Variants in UBA6 observed in about 807,000 individuals in gnomAD.
UBA6 encodes ubiquitin like modifier activating enzyme 6.
UBA6 carries 87 observed loss-of-function variants against 148.3 expected under a neutral mutation model. That is an observed-to-expected ratio of 0.59 (90% confidence interval 0.49 to 0.70). UBA6 has a LOEUF of 0.70. UBA6 is among the 30% of genes least tolerant of loss of function. The pLI, the probability that UBA6 is intolerant of heterozygous loss-of-function variation, is 0.00. For missense variants in UBA6, 1,186 were observed against 1,241.2 expected (o/e 0.96, Z 0.67); for synonymous variants, 376 against 401.0 (o/e 0.94, Z 0.75).
chr4:67,665,555 G>T (rs1158080996), intron 9 of UBA6, among the ~76,000 whole-genome samples: 2 of 149,618 alleles, frequency 1.3e-5, no homozygotes, highest in East Asian at 3.9e-4. Context: ...AGTAATGAGG[G>T]CTACTCATTA....
intron 19 of UBA6, among the ~76,000 whole-genome samples, chr4:67,637,648 G>A (rs891340905): frequency 2.6e-5 from 4 of 151,884 alleles, no homozygotes; most frequent in Non-Finnish European, 4.4e-5. Flanking sequence ...GCCCCAACCC[G>A]GTGCTCTCTG....
At chr4:67,683,337 T>G (rs533488278) in intron 2 of UBA6, among the ~76,000 whole-genome samples, 4 of 152,188 alleles carry the variant, frequency 2.6e-5, no homozygotes, top group Non-Finnish European at 5.9e-5. Context: ...TTCTTTTGAA[T>G]GAAATTATTT....
chr4:67,663,004 T>C (rs1577820415), intron 12 of UBA6, 135 bp downstream of exon 12: 2 of 516,524 alleles, frequency 3.9e-6, no homozygotes, highest in Non-Finnish European at 6.6e-6. Flanking sequence ...CAGAAAGTCA[T>C]AATAAATGTT....
At chr4:67,677,832 A>G (rs909965861) in intron 5 of UBA6, 110 bp from the exon 6 acceptor site, 8 of 544,626 alleles carry the variant, frequency 1.5e-5, no homozygotes, top group South Asian at 2.8e-5. Context: ...CAAAATTTCA[A>G]TGGAAACTTA....
chr4:67,690,212 G>T (rs766865745), intron 2 of UBA6, among the ~76,000 whole-genome samples: 12 of 152,074 alleles, frequency 7.9e-5, no homozygotes, highest in Non-Finnish European at 1.6e-4. Flanking sequence ...GGAAAAGGTG[G>T]TTGGGGCCTT....
chr4:67,649,174 C>G lies in UBA6; in HGVS notation c.1142G>C (p.Trp381Ser), dbSNP rs749432731. 19 of 1,612,810 alleles carry G rather than the reference C, an allele frequency of 1.2e-5. No individual in the cohort carries two copies. Among genetic ancestry groups the G allele is most frequent in the Non-Finnish European group, 1.6e-5 (19 of 1,179,542 alleles). ...VNADIVHWLS[W>S]TAQGFLSPLA... ...TGGAGATAAAAAGCCTTGGGCAGTC[C>G]AAGAGAGCCAATGCACAATGTCAGC... is the stretch of plus-strand genomic sequence containing the variant. Residue 381 changes from tryptophan (W) to serine (S), a missense_variant, in exon 14 of 33, where the codon TGG becomes TCG. Coordinates refer to ENST00000322244, the MANE Select transcript of UBA6 (RefSeq NM_018227.6).
chr4:67,698,364 C>T (rs1469486451), intron 1 of UBA6, among the ~76,000 whole-genome samples: 2 of 152,150 alleles, frequency 1.3e-5, no homozygotes, highest in Non-Finnish European at 2.9e-5. Flanking sequence ...TTCCAAATAC[C>T]TAAAACAGTA....
intron 20 of UBA6, 70 bp downstream of exon 20, chr4:67,635,383 A>C: frequency 1.0e-6 from 1 of 961,998 alleles, no homozygotes; most frequent in Non-Finnish European, 1.6e-6. Flanking sequence ...AAGCTAAATC[A>C]AATTGTTGAT....
At chr4:67,667,788 A>C (rs1217746491) in intron 9 of UBA6, among the ~76,000 whole-genome samples, 1 of 152,180 alleles carries the variant, frequency 6.6e-6, no homozygotes, top group Non-Finnish European at 1.5e-5. Flanking sequence ...AAGAATGTCT[A>C]CTTTCCTCCT....
Position 67,613,964 on chromosome 4 carries a change from AT to A in UBA6, c.*5032del, listed in dbSNP as rs1009436755. The A allele has an allele frequency of 3.1e-4, 46 of 147,758 alleles. No individual in the cohort carries two copies. Among genetic ancestry groups the A allele is most frequent in the East Asian group, 3.9e-4 (2 of 5,098 alleles). The allele number at this position is 147,758 out of a possible 1,614,324, so 9.2% of individuals were successfully genotyped here. On this transcript the variant is annotated 3_prime_UTR_variant, in exon 33 of 33. Transcript: ENST00000322244. The stretch of plus-strand genomic sequence containing the variant: ...AAAGAATCCCCTTTCCCCTTTACCC[AT>A]TTTTTTTTTGTCCTTCCTTCCTTTC...
At chr4:67,680,436 G>C (rs558264555) in intron 4 of UBA6, among the ~76,000 whole-genome samples, 1 of 152,174 alleles carries the variant, frequency 6.6e-6, no homozygotes, top group Non-Finnish European at 1.5e-5. Flanking sequence ...AGAAATACCT[G>C]TGACAAATGA....
At chr4:67,700,823 T>G (rs548743720) in intron 1 of UBA6, among the ~76,000 whole-genome samples, 1 of 151,880 alleles carries the variant, frequency 6.6e-6, no homozygotes, top group Non-Finnish European at 1.5e-5. Context: ...GAGAAAGCCC[T>G]CAAAGGTGCG....
intron 30 of UBA6, among the ~76,000 whole-genome samples, chr4:67,623,768 T>A (rs1728804909): frequency 6.6e-6 from 1 of 152,058 alleles, no homozygotes; most frequent in South Asian, 2.1e-4. Flanking sequence ...TTGTTGCCAA[T>A]CTGAAAACTA....
intron 2 of UBA6, among the ~76,000 whole-genome samples, chr4:67,682,821 G>C (rs1730474309): frequency 6.6e-6 from 1 of 152,082 alleles, no homozygotes; most frequent in Non-Finnish European, 1.5e-5. Flanking sequence ...GCTATCTTTG[G>C]AGATAATATA....
chr4:67,679,056 T>C (rs533846720), intron 4 of UBA6, among the ~76,000 whole-genome samples: 17 of 152,216 alleles, frequency 1.1e-4, no homozygotes, highest in East Asian at 9.7e-4. Flanking sequence ...ATCCGTACAA[T>C]GTATAATCAT....
intron 6 of UBA6, among the ~76,000 whole-genome samples, chr4:67,677,355 T>C (rs901280841): frequency 2.0e-5 from 3 of 152,232 alleles, no homozygotes; most frequent in African/African-American, 7.2e-5. Flanking sequence ...CATGTTGCTA[T>C]AAACCAGAGT....
At chr4:67,623,385 A>G (rs1728797038) in intron 30 of UBA6, among the ~76,000 whole-genome samples, 163 bp from the exon 31 acceptor site, 1 of 152,156 alleles carries the variant, frequency 6.6e-6, no homozygotes, top group Non-Finnish European at 1.5e-5. Flanking sequence ...ATATTCCATA[A>G]TCTTATTTCT....
At chr4:67,698,763 C>A (rs573240596) in intron 1 of UBA6, among the ~76,000 whole-genome samples, 1 of 152,298 alleles carries the variant, frequency 6.6e-6, no homozygotes, top group East Asian at 1.9e-4. Context: ...AGTTCGAGAC[C>A]AGCCTGACCA....
rs1344541147 is a variant in UBA6, at chr4:67,613,288, G to A, written c.*5709C>T. On this transcript the variant is annotated 3_prime_UTR_variant, in exon 33 of 33. Transcript: ENST00000322244. Reference sequence around the variant, plus strand: ...TTTCTAGTTTTTTCAAACAATATTGGTAAATAATTAAAGGTAACCAGGCAC... The same window carrying A: ...TTTCTAGTTTTTTCAAACAATATTGATAAATAATTAAAGGTAACCAGGCAC... The A allele has an allele frequency of 6.6e-6, 1 of 152,062 alleles. No individual in the cohort carries two copies. Among genetic ancestry groups the A allele is most frequent in the Non-Finnish European group, 1.5e-5 (1 of 68,000 alleles). The allele number at this position is 152,062 out of a possible 1,614,324, so 9.4% of individuals were successfully genotyped here. A position where few individuals can be genotyped will look rare whatever the true frequency, so the allele number is the denominator to read the frequency against.
Sources: gnomAD v4.1 joint callset for allele counts (sites outside exome capture counted in the v4.1 genomes callset) on GRCh38, gnomAD v4.1.1 for gene constraint, MANE v1.5 for transcripts, NCBI Gene and HGNC (gene_info 2026-07-23, HGNC 2026-07-21) for gene names.